The following IL17RB variants were observed in gnomAD, a reference collection of about 807,000 sequenced individuals.
IL17RB encodes the protein interleukin 17 receptor B.
Under a neutral mutation model 43.9 loss-of-function variants are expected in IL17RB, and 36 were observed. The observed-to-expected ratio is 0.82, with a 90% CI of 0.63 to 1.08. The LOEUF (loss-of-function observed/expected upper bound fraction) is 1.08. IL17RB is among the 50% of genes least tolerant of loss of function. The pLI, the probability that IL17RB is intolerant of heterozygous loss-of-function variation, is 0.00. For synonymous variants in IL17RB, 225 were observed against 225.4 expected (o/e 1.00, Z 0.02); for missense variants, 613 against 613.6 (o/e 1.00, Z 0.01).
At chr3:53,855,573 G>A (rs1307115769) in intron 6 of IL17RB, among the ~76,000 whole-genome samples, 1 of 152,146 alleles carries the variant, frequency 6.6e-6, no homozygotes, top group Admixed American at 6.5e-5. Context: ...CATTTATATA[G>A]TGGAGCAACA....
At chr3:53,851,504 G>A (rs752949520) in intron 3 of IL17RB, among the ~76,000 whole-genome samples, 21 of 152,172 alleles carry the variant, frequency 1.4e-4, no homozygotes, top group Non-Finnish European at 2.5e-4. Flanking sequence ...GAGTGAGTTG[G>A]GCTTTAAAAG....
chr3:53,853,408 A>G (rs936849591), intron 5 of IL17RB, among the ~76,000 whole-genome samples: 16 of 152,248 alleles, frequency 1.1e-4, no homozygotes, highest in African/African-American at 2.9e-4. Context: ...GCCACTCTTT[A>G]TATCACTGAT....
intron 3 of IL17RB, 114 bp from the exon 4 acceptor site, chr3:53,851,885 T>C: frequency 8.2e-7 from 1 of 1,212,658 alleles, no homozygotes; most frequent in East Asian, 2.5e-5. Context: ...CTTTCAGTAC[T>C]ATTGTGAATA....
chr3:53,852,805 A>T (rs1162123225), intron 4 of IL17RB, 66 bp from the exon 5 acceptor site: 45 of 1,511,834 alleles, frequency 3.0e-5, no homozygotes, highest in Admixed American at 5.4e-5. Flanking sequence ...AGGGCAACAC[A>T]CTAAGGTATA....
rs1250205762 is a variant in IL17RB, at chr3:53,865,231, G to C, written c.1432G>C (p.Glu478Gln). Residue 478 changes from glutamate (E) to glutamine (Q), a missense_variant, in exon 11 of 11, where the codon GAA becomes CAA. By Grantham distance (29) the Glu-to-Gln change is conservative. Transcript: ENST00000288167. ...GAAGGATGCCACTGCTTTCTGTGCA[G>C]AACTTCTCCATGTCAAGCAGCAGGT... is the stretch of plus-strand genomic sequence containing the variant. ...LMKDATAFCA[E>Q]LLHVKQQVSA... The C allele has an allele frequency of 6.2e-6, 10 of 1,613,574 alleles. No homozygotes were observed. The highest frequency in any genetic ancestry group is 7.6e-6 in the Non-Finnish European group (9 of 1,180,018).
intron 6 of IL17RB, among the ~76,000 whole-genome samples, chr3:53,855,782 G>A (rs774794389): frequency 2.6e-5 from 4 of 152,172 alleles, no homozygotes; most frequent in Non-Finnish European, 5.9e-5. Context: ...AGGTGGGAGT[G>A]TGAGTTCGCT....
In IL17RB at chr3:53,852,122, G is replaced by GT; in HGVS notation, c.351dup (p.Lys118Ter). 6.2e-7 allele frequency: 1 copy of GT among 1,613,714 alleles called. No homozygotes were observed. Among genetic ancestry groups the GT allele is most frequent in the Non-Finnish European group, 8.5e-7 (1 of 1,179,772 alleles). On this transcript the variant is annotated frameshift_variant, in exon 4 of 11. Transcript: ENST00000288167. LOFTEE classifies it high-confidence loss of function. Reference sequence around the variant, plus strand: ...CAGACTCAGACCAGACCCTCTGGTGGTAAAGTAAGCACTTTTTTGTTTTTT... The same window carrying GT: ...CAGACTCAGACCAGACCCTCTGGTGGTTAAAGTAAGCACTTTTTTGTTTTTT...
Position 53,846,641 on chromosome 3 carries a change from G to T in IL17RB, c.53G>T (p.Arg18Leu). 1 of 1,591,788 alleles carries T rather than the reference G, an allele frequency of 6.3e-7. No individual in the cohort carries two copies. The highest frequency in any genetic ancestry group is 1.1e-5 in the South Asian group (1 of 88,350). Residue 18 changes from arginine (R) to leucine (L), a missense_variant, in exon 1 of 11, where the codon CGA becomes CTA. Physicochemically the swap from Arg to Leu is moderately radical, Grantham distance 102. Transcript: ENST00000288167. ...GCGCTGTGCAGGAGCGCCGTACCCC[G>T]AGAGCCGGTAAGCCCCCGCCAGCAC... is the stretch of plus-strand genomic sequence containing the variant. ...LAALCRSAVPREPTVQCGSET... is the reference protein window; with the variant it reads ...LAALCRSAVPLEPTVQCGSET...
rs1699726935 is a variant in IL17RB at position 53,864,953 on chromosome 3, A to G, written c.1154A>G (p.Gln385Arg). 6.2e-7 allele frequency: 1 copy of G among 1,614,030 alleles called. No homozygotes were observed. The highest frequency in any genetic ancestry group is 1.1e-5 in the South Asian group (1 of 91,084). The change falls in exon 11 of 11, where the codon CAA (glutamine) becomes CGA (arginine). Residue 385 changes from glutamine to arginine, a missense_variant. Transcript: ENST00000288167. ...GGTCCAGTGCAGTGGCTTGCCACTC[A>G]AAAGAAGGCAGCAGACAAAGTCGTC... Reference protein sequence around the residue: ...EMGPVQWLATQKKAADKVVFL... With the variant: ...EMGPVQWLATRKKAADKVVFL...
At position 53,848,674 on chromosome 3, in the gene IL17RB, G is replaced by A; in HGVS notation, c.71G>A (p.Cys24Tyr). 3 of 1,614,092 alleles carry A rather than the reference G, an allele frequency of 1.9e-6. No homozygotes were observed. Among genetic ancestry groups the A allele is most frequent in the African/African-American group, 2.7e-5 (2 of 75,028 alleles). ...SAVPREPTVQCGSETGPSPEW... is the reference protein window; with the variant it reads ...SAVPREPTVQYGSETGPSPEW... Reference sequence around the variant, plus strand: ...TTTTCTCTCCCACAGACCGTTCAATGTGGCTCTGAAACTGGTAGGTGCATT... The same window carrying A: ...TTTTCTCTCCCACAGACCGTTCAATATGGCTCTGAAACTGGTAGGTGCATT... The change falls in exon 2 of 11, where the codon TGT becomes TAT. Residue 24 changes from cysteine (C) to tyrosine (Y), a missense_variant. Transcript: ENST00000288167.
intron 5 of IL17RB, among the ~76,000 whole-genome samples, chr3:53,853,664 T>C (rs1350258707): frequency 6.6e-6 from 1 of 152,066 alleles, no homozygotes; most frequent in Admixed American, 6.6e-5. Flanking sequence ...GTGAAGGGTC[T>C]ATCTGAGCCG....
At position 53,849,812 on chromosome 3, in the gene IL17RB, C is replaced by T; in HGVS notation, c.226+17C>T. 1.9e-6 allele frequency: 3 copies of T among 1,586,776 alleles called. No homozygotes were observed. The highest frequency in any genetic ancestry group is 8.6e-7 in the Non-Finnish European group (1 of 1,162,290). On this transcript the variant is annotated intron_variant, in intron 3 of 10. Transcript: ENST00000288167. ...GGGCAGATGGTAAGTTTGCATCCAT[C>T]AGAGATAAGGCCCAAAGTGTCTACT...
At position 53,858,508 on chromosome 3, in the gene IL17RB, C is replaced by A. The variant is rs560491173; in HGVS notation, c.748-211C>A. On this transcript the variant is annotated intron_variant, in intron 8 of 10. Coordinates refer to ENST00000288167, the MANE Select transcript of IL17RB (RefSeq NM_018725.4). ...AACGTGTACAAAGTTTAGGTTCAGA[C>A]CCCGGGAGTCTTGGGCACGTGGGTC... 2.8e-6 allele frequency: 4 copies of A among 1,408,396 alleles called. No homozygotes were observed. The South Asian group carries it at 4.6e-5, about 16-fold the overall frequency. The allele number at this position is 1,408,396 out of a possible 1,614,324, so 87.2% of individuals were successfully genotyped here. A position where few individuals can be genotyped will look rare whatever the true frequency, so the allele number is the denominator to read the frequency against.
chr3:53,865,182 T>G lies in IL17RB; in HGVS notation c.1383T>G (p.Ser461Arg), dbSNP rs748927533. 1.2e-5 allele frequency: 20 copies of G among 1,614,070 alleles called. 1 individual carries two copies. The South Asian group carries it at 2.1e-4, about 17-fold the overall frequency. Reference protein sequence around the residue: ...IDTKDDYNALSVCPKYHLMKD... With the variant: ...IDTKDDYNALRVCPKYHLMKD... ...CAAAAGACGATTACAATGCTCTCAG[T>G]GTCTGCCCCAAGTACCACCTCATGA... Residue 461 changes from serine (S) to arginine (R), a missense_variant, in exon 11 of 11, where the codon AGT (serine) becomes AGG (arginine). Physicochemically the swap from Ser to Arg is moderately radical, Grantham distance 110. Coordinates refer to ENST00000288167, the MANE Select transcript of IL17RB (RefSeq NM_018725.4).
Position 53,865,353 on chromosome 3 carries a change from CAATTACAGGGAAAA to C in IL17RB, c.*48_*61del, listed in dbSNP as rs767870420. ...AGACCTTAAAGGCTTCCTATCCCAC[CAATTACAGGGAAAA>C]AACGTGTGATGATCCTGAAGCTTAC... On this transcript the variant is annotated 3_prime_UTR_variant, in exon 11 of 11. Coordinates refer to ENST00000288167, the MANE Select transcript of IL17RB (RefSeq NM_018725.4). 19 of 1,457,486 alleles carry C rather than the reference CAATTACAGGGAAAA, an allele frequency of 1.3e-5. No homozygotes were observed. In the African/African-American group the frequency reaches 2.4e-4, roughly 18 times the overall value. 90.3% of individuals were successfully genotyped at this position (1,457,486 alleles called of 1,614,324 possible).
At chr3:53,846,718 C>A in intron 1 of IL17RB, 70 bp downstream of exon 1, 3 of 1,470,122 alleles carry the variant, frequency 2.0e-6, no homozygotes, top group Non-Finnish European at 2.8e-6. Context: ...TCGTCTGATC[C>A]GCCAGTCCAG....
chr3:53,864,105 A>G (rs1177225886), intron 10 of IL17RB, among the ~76,000 whole-genome samples: 1 of 151,946 alleles, frequency 6.6e-6, no homozygotes, highest in Non-Finnish European at 1.5e-5. Context: ...TTCCTGGTGT[A>G]AGCCACCACA....
Position 53,865,033 on chromosome 3 carries a change from G to C in IL17RB, c.1234G>C (p.Glu412Gln). 6.2e-7 allele frequency: 1 copy of C among 1,614,210 alleles called. No individual in the cohort carries two copies. The highest frequency in any genetic ancestry group is 8.5e-7 in the Non-Finnish European group (1 of 1,180,034). ...SVCDGTCGKSEGSPSENSQDL... is the reference protein window; with the variant it reads ...SVCDGTCGKSQGSPSENSQDL... Reference sequence around the variant, plus strand: ...GTGCGATGGTACCTGTGGCAAGAGCGAGGGCAGTCCCAGTGAGAACTCTCA... The same window carrying C: ...GTGCGATGGTACCTGTGGCAAGAGCCAGGGCAGTCCCAGTGAGAACTCTCA... The change falls in exon 11 of 11, where the codon GAG (glutamate) becomes CAG (glutamine). Residue 412 changes from glutamate (E) to glutamine (Q), a missense_variant. Physicochemically the swap from Glu to Gln is conservative, Grantham distance 29 (BLOSUM62 2). Coordinates refer to ENST00000288167, the MANE Select transcript of IL17RB (RefSeq NM_018725.4).
intron 3 of IL17RB, among the ~76,000 whole-genome samples, chr3:53,850,543 C>T (rs1699102658): frequency 6.7e-6 from 1 of 150,320 alleles, no homozygotes; most frequent in Non-Finnish European, 1.5e-5. Flanking sequence ...GTGGCGCATG[C>T]CTGTAATCCC....
Sources: gnomAD v4.1 joint callset for allele counts (sites outside exome capture counted in the v4.1 genomes callset) on GRCh38, gnomAD v4.1.1 for gene constraint, MANE v1.5 for transcripts, NCBI Gene and HGNC (gene_info 2026-07-23, HGNC 2026-07-21) for gene names.